TTC17: variants seen among roughly 807,000 people sequenced by gnomAD.
The protein encoded by TTC17 is tetratricopeptide repeat protein 17.
In TTC17, 58 loss-of-function variants were observed where a neutral mutation model predicts 143.8. The ratio of observed to expected loss-of-function variants is 0.40; its 90% CI spans 0.33 to 0.50. TTC17 has a LOEUF of 0.50. Among genes scored for constraint, TTC17 ranks in the 20% least tolerant of loss-of-function variants. TTC17 has a pLI of 0.49. For missense variants in TTC17, 1,273 were observed against 1,392.5 expected (o/e 0.91, Z 1.37); for synonymous variants, 501 against 497.8 (o/e 1.01, Z -0.09).
In TTC17 at chr11:43,397,974, A is replaced by C. The variant is rs1857688215; in HGVS notation, c.919A>C (p.Met307Leu). The stretch of plus-strand genomic sequence containing the variant: ...TGTATGTTTGTTTTTGTCTCTTCAG[A>C]TGCTTGGGGAATATAACCACTCAGT... The part of the protein sequence containing the change: ...SYYTLGNIYA[M>L]LGEYNHSVLC... The change falls in exon 8 of 24, where the codon ATG becomes CTG. Residue 307 changes from methionine (M) to leucine (L), a missense_variant and splice_region_variant. By Grantham distance (15) the Met-to-Leu change is conservative (BLOSUM62 2). Transcript: ENST00000039989. 6.2e-7 allele frequency: 1 copy of C among 1,608,276 alleles called. No individual in the cohort carries two copies. The highest frequency in any genetic ancestry group is 8.5e-7 in the Non-Finnish European group (1 of 1,178,246).
intron 10 of TTC17, among the ~76,000 whole-genome samples, chr11:43,401,777 G>A (rs1400189196): frequency 1.3e-5 from 2 of 151,986 alleles, no homozygotes; most frequent in Non-Finnish European, 1.5e-5. Flanking sequence ...AGGAGTTCAA[G>A]ACCAGCCTGG....
intron 5 of TTC17, 35 bp from the exon 6 acceptor site, chr11:43,396,674 A>C (rs751280839): frequency 1.5e-6 from 2 of 1,306,416 alleles, no homozygotes; most frequent in Non-Finnish European, 2.2e-6. Context: ...AACTGTCTTG[A>C]GTCGTGTTTG....
chr11:43,377,587 C>T (rs536973471), intron 1 of TTC17, among the ~76,000 whole-genome samples: 2 of 152,264 alleles, frequency 1.3e-5, no homozygotes, highest in South Asian at 4.1e-4. Flanking sequence ...TTGCTGTCAC[C>T]TCAAAAAGAG....
In TTC17 at chr11:43,382,590, A is replaced by G. The variant is rs192988244; in HGVS notation, c.249+3268A>G. The stretch of plus-strand genomic sequence containing the variant: ...TGCTACTTTTTAAGTAGTCTTGCCA[A>G]AAAATAATCAAACCACAATATAATT... On this transcript the variant is annotated intron_variant, in intron 2 of 23. Coordinates refer to ENST00000039989, the MANE Select transcript of TTC17 (RefSeq NM_018259.6). 1.2e-3 allele frequency among the ~76,000 whole-genome samples: 190 copies of G among 152,368 alleles called. 1 individual carries two copies. Among genetic ancestry groups the G allele is most frequent in the African/African-American group, 4.2e-3 (176 of 41,586 alleles).
rs554388311 is a variant in TTC17 at position 43,410,012 on chromosome 11, T to G, written c.2064+2435T>G. ...GCATACCACCATGCCCGGCTAATTT[T>G]TGTACTTTTAGTAGAAACAGGGTTG... On this transcript the variant is annotated intron_variant, in intron 15 of 23. Transcript: ENST00000039989. Among the ~76,000 whole-genome samples, 9 of 152,120 alleles carry G rather than the reference T, an allele frequency of 5.9e-5. No homozygotes were observed. In the Middle Eastern group the frequency reaches 0.01, roughly 172 times the overall value.
intron 11 of TTC17, among the ~76,000 whole-genome samples, chr11:43,405,291 A>C (rs908545672): frequency 1.3e-5 from 2 of 152,138 alleles, no homozygotes; most frequent in Non-Finnish European, 1.5e-5. Context: ...CACTGGCTCA[A>C]CTGGCTTATA....
intron 1 of TTC17, among the ~76,000 whole-genome samples, chr11:43,375,717 A>G (rs1201753190): frequency 6.6e-6 from 1 of 152,134 alleles, no homozygotes; most frequent in Non-Finnish European, 1.5e-5. Context: ...AATTAATGTT[A>G]CAACAGAAAT....
chr11:43,455,465 A>G (rs1246230440), intron 21 of TTC17, among the ~76,000 whole-genome samples: 1 of 152,084 alleles, frequency 6.6e-6, no homozygotes, highest in Admixed American at 6.5e-5. Context: ...TCATTAGCTA[A>G]CCTAATAAAG....
chr11:43,484,000 GGCGT>G (rs2134473300), intron 21 of TTC17, among the ~76,000 whole-genome samples: 1 of 152,294 alleles, frequency 6.6e-6, no homozygotes, highest in African/African-American at 2.4e-5. Flanking sequence ...AAATTAGCCA[GGCGT>G]GGTGGTGCAG....
intron 3 of TTC17, among the ~76,000 whole-genome samples, chr11:43,391,009 A>T (rs149117204): frequency 1.3e-4 from 20 of 152,190 alleles, no homozygotes; most frequent in African/African-American, 4.8e-4. Context: ...AAAATGTTTG[A>T]CTCTTCATGG....
intron 1 of TTC17, among the ~76,000 whole-genome samples, chr11:43,362,960 C>T (rs563453800): frequency 5.9e-5 from 9 of 152,298 alleles, no homozygotes; most frequent in Admixed American, 2.0e-4. Flanking sequence ...TCTTCTTCTC[C>T]TCTCCGCTCT....
intron 1 of TTC17, among the ~76,000 whole-genome samples, chr11:43,365,564 G>A (rs1856302895): frequency 6.6e-6 from 1 of 152,154 alleles, no homozygotes; most frequent in Non-Finnish European, 1.5e-5. Context: ...CGCCATGCCT[G>A]GCCAGCTCAT....
chr11:43,405,922 G>A lies in TTC17; in HGVS notation c.1732G>A (p.Ala578Thr). ...KELEVRMDLK[A>T]KMPDDHARKI... The stretch of plus-strand genomic sequence containing the variant: ...ATTAGAGGTTCGCATGGATCTGAAA[G>A]CCAAAATGCCAGATGACCATGCACG... The change falls in exon 13 of 24, where the codon GCC becomes ACC. Residue 578 changes from alanine to threonine, a missense_variant. By Grantham distance (58) the Ala-to-Thr change is moderately conservative (BLOSUM62 0). Around this residue, in one of 3 missense-constraint regions of TTC17, gnomAD observed 878 missense variants for 899.8 expected, o/e 0.98. Transcript: ENST00000039989. 2 of 1,613,270 alleles carry A rather than the reference G, an allele frequency of 1.2e-6. No homozygotes were observed. The highest frequency in any genetic ancestry group is 1.7e-6 in the Non-Finnish European group (2 of 1,179,758).
intron 16 of TTC17, among the ~76,000 whole-genome samples, chr11:43,425,578 T>C (rs1947008460): frequency 6.6e-6 from 1 of 152,094 alleles, no homozygotes; most frequent in African/African-American, 2.4e-5. Context: ...AAGCAGCAAG[T>C]CTGGTAATCA....
chr11:43,416,743 GTAAT>G lies in TTC17; in HGVS notation c.2251+1977_2251+1980del, dbSNP rs200154096. Among the ~76,000 whole-genome samples the G allele has an allele frequency of 5.7e-3, 866 of 152,078 alleles. 6 individuals are homozygous for G. The highest frequency in any genetic ancestry group is 5.8e-3 in the Non-Finnish European group (393 of 67,960). On this transcript the variant is annotated intron_variant, in intron 16 of 23. Transcript: ENST00000039989. ...AAAAATATTTAGTACCTTTTACATT[GTAAT>G]TAATTAATTTACTAAATTTAGTTAG... is the stretch of plus-strand genomic sequence containing the variant.
rs779597822 is a variant in TTC17, at chr11:43,358,920, G to A, written c.-35G>A. 6.5e-7 allele frequency: 1 copy of A among 1,528,866 alleles called. No homozygotes were observed. The highest frequency in any genetic ancestry group is 2.6e-5 in the East Asian group (1 of 38,392). The allele number at this position is 1,528,866 out of a possible 1,614,324, so 94.7% of individuals were successfully genotyped here. A position where few individuals can be genotyped will look rare whatever the true frequency, so the allele number is the denominator to read the frequency against. On this transcript the variant is annotated 5_prime_UTR_variant, in exon 1 of 24. Coordinates refer to ENST00000039989, the MANE Select transcript of TTC17 (RefSeq NM_018259.6). ...TGGCGGGCGCCGGAGACTAGCTTCC[G>A]CTTCCGGTGTGAGCGGCCCGGCCGG...
At chr11:43,403,543 C>T (rs1565147986) in intron 10 of TTC17, among the ~76,000 whole-genome samples, 1 of 152,110 alleles carries the variant, frequency 6.6e-6, no homozygotes, top group Non-Finnish European at 1.5e-5. Flanking sequence ...ATTGATTGCA[C>T]AACAGTCTGT....
At chr11:43,441,108 A>G (rs1947408224) in intron 16 of TTC17, among the ~76,000 whole-genome samples, 1 of 151,426 alleles carries the variant, frequency 6.6e-6, no homozygotes, top group Non-Finnish European at 1.5e-5. Context: ...CATCTCTACA[A>G]AAATACAAAA....
At chr11:43,446,878 T>C (rs951887688) in intron 18 of TTC17, among the ~76,000 whole-genome samples, 19 of 152,194 alleles carry the variant, frequency 1.2e-4, no homozygotes, top group African/African-American at 4.6e-4. Context: ...GCTTTAAATT[T>C]TTTTGTAGCT....
Sources: allele counts gnomAD v4.1 joint callset (sites outside exome capture counted in the v4.1 genomes callset), GRCh38; gene constraint gnomAD v4.1.1; regional missense constraint gnomAD v4.1.1; transcripts MANE v1.5; gene names NCBI Gene and HGNC (gene_info 2026-07-23, HGNC 2026-07-21).